Variants in NOL7 observed in about 807,000 individuals in gnomAD.
NOL7 encodes the protein nucleolar protein 7, also known as U3 small nucleolar RNA-associated protein NOL7.
Under a neutral mutation model 38.4 loss-of-function variants are expected in NOL7, and 36 were observed. The ratio of observed to expected loss-of-function variants is 0.94; its 90% CI spans 0.72 to 1.24. NOL7 has a LOEUF of 1.24. Ranked by LOEUF, NOL7 falls within the 50% of genes most tolerant of loss-of-function variation. The pLI is 0.00. For synonymous variants in NOL7, 142 were observed against 126.5 expected, an observed-to-expected ratio of 1.12 and a Z score of -0.82; for missense variants, 350 against 315.1, an observed-to-expected ratio of 1.11 and a Z score of -0.84.
intron 3 of NOL7, among the ~76,000 whole-genome samples, chr6:13,617,286 T>C (rs1336474791): frequency 6.7e-6 from 1 of 149,698 alleles, no homozygotes; most frequent in Non-Finnish European, 1.5e-5. Flanking sequence ...TGTGTGGCCT[T>C]TCTCCTGTGC....
intron 7 of NOL7, 74 bp downstream of exon 7, chr6:13,620,559 C>A: frequency 7.1e-7 from 1 of 1,410,956 alleles, no homozygotes; most frequent in South Asian, 1.2e-5. Context: ...GGAGATAGTT[C>A]ATAATTATAC....
intron 5 of NOL7, among the ~76,000 whole-genome samples, chr6:13,618,968 A>G (rs1443576158): frequency 6.6e-6 from 1 of 152,250 alleles, no homozygotes; most frequent in East Asian, 1.9e-4. Flanking sequence ...GGTTAAGTTC[A>G]AAAACTTTTT....
chr6:13,631,107 C>A (rs1443002817), intron 8 of NOL7, among the ~76,000 whole-genome samples: 1 of 152,176 alleles, frequency 6.6e-6, no homozygotes, highest in African/African-American at 2.4e-5. Flanking sequence ...CGCGCCCGGC[C>A]TGATTTGACT....
chr6:13,620,765 AAAC>A lies in NOL7; in HGVS notation c.715_717del (p.Gln239del). The A allele has an allele frequency of 6.3e-7, 1 of 1,597,056 alleles. No homozygotes were observed. Among genetic ancestry groups the A allele is most frequent in the East Asian group, 2.2e-5 (1 of 44,658 alleles). On this transcript the variant is annotated inframe_deletion, in exon 8 of 8. Coordinates refer to ENST00000451315, the MANE Select transcript of NOL7 (RefSeq NM_016167.5). ...ACTTTATATTCTAGGAATCCAAAAA[AAAC>A]AAAATGCCAAGAGGTTTAAAAGACG...
downstream of NOL7, chr6:13,622,339 G>A (rs776349413): frequency 2.0e-6 from 3 of 1,530,426 alleles, no homozygotes; most frequent in Non-Finnish European, 2.6e-6. Context: ...CACAATATAA[G>A]TGTGAGCTCT....
chr6:13,627,611 CAG>C (rs923901738), intron 8 of NOL7, among the ~76,000 whole-genome samples: 1 of 117,620 alleles, frequency 8.5e-6, no homozygotes, highest in Non-Finnish European at 1.6e-5. Context: ...GCATGGACGA[CAG>C]AGAGAGACTC....
At chr6:13,627,919 C>T (rs549103114) in intron 8 of NOL7, among the ~76,000 whole-genome samples, 5 of 152,106 alleles carry the variant, frequency 3.3e-5, no homozygotes, top group Admixed American at 2.0e-4. Context: ...CCATGGCACA[C>T]GTTTACCTAT....
Position 13,615,695 on chromosome 6 carries a change from A to G in NOL7, c.267-17A>G, listed in dbSNP as rs777687476. ...CGCTTGTCCTTCCCTTTGCTGACTTATCACCCTTCCTCCCAGGGATAAAAC... is the reference window on the plus strand; with the variant it reads ...CGCTTGTCCTTCCCTTTGCTGACTTGTCACCCTTCCTCCCAGGGATAAAAC... On this transcript the variant is annotated splice_polypyrimidine_tract_variant and intron_variant, in intron 1 of 7. Coordinates refer to ENST00000451315, the MANE Select transcript of NOL7 (RefSeq NM_016167.5). 3.0e-5 allele frequency: 48 copies of G among 1,614,186 alleles called. No homozygotes were observed. Among genetic ancestry groups the G allele is most frequent in the Non-Finnish European group, 3.8e-5 (45 of 1,180,018 alleles).
rs552391560 is a variant in NOL7, at chr6:13,627,872, CTTAAA to C, written n.574-4516_574-4512del. On this transcript the variant is annotated intron_variant and non_coding_transcript_variant, in intron 8 of 8. Coordinates refer to the NOL7 transcript ENST00000474485. ...AATGTGAAATGTCGCACTCCCAAAT[CTTAAA>C]TTAAGACTACACTGTCTAGTGCAGC... is the stretch of plus-strand genomic sequence containing the variant. Among the ~76,000 whole-genome samples, 577 of 152,168 alleles carry C rather than the reference CTTAAA, an allele frequency of 3.8e-3. 4 individuals carry two copies. Among genetic ancestry groups the C allele is most frequent in the African/African-American group, 0.013 (542 of 41,524 alleles).
chr6:13,629,921 C>CTCTCGT (rs1554221305), intron 8 of NOL7, among the ~76,000 whole-genome samples: 189 of 128,420 alleles, frequency 1.5e-3, no homozygotes, highest in African/African-American at 3.8e-3. Context: ...CTCTCTCTCT[C>CTCTCGT]GTGTGTGTGT....
chr6:13,616,477 T>A lies in NOL7; in HGVS notation c.342T>A (p.Leu114=), dbSNP rs141864975. ...LFIEQKKRKL[L]PDTILEKLTT... ...CATTCCAAAAGAAAAGAAAACTCCTTCCAGACACTATTTTGGAGAAGTTAA... is the reference window on the plus strand; with the variant it reads ...CATTCCAAAAGAAAAGAAAACTCCTACCAGACACTATTTTGGAGAAGTTAA... The change falls in exon 3 of 8, where the codon CTT becomes CTA. Residue 114 remains leucine (L), a synonymous_variant. Coordinates refer to ENST00000451315, the MANE Select transcript of NOL7 (RefSeq NM_016167.5). 875 of 1,608,512 alleles carry A rather than the reference T, an allele frequency of 5.4e-4. 5 individuals are homozygous for A. The African/African-American group carries it at 0.01, about 19-fold the overall frequency.
At chr6:13,627,611 C>CAG (rs923901738) in intron 8 of NOL7, among the ~76,000 whole-genome samples, 1 of 117,622 alleles carries the variant, frequency 8.5e-6, no homozygotes, top group Non-Finnish European at 1.6e-5. Flanking sequence ...GCATGGACGA[C>CAG]AGAGAGAGAC....
downstream of NOL7, chr6:13,625,755 T>A (rs1294248774): frequency 6.2e-7 from 1 of 1,601,020 alleles, no homozygotes; most frequent in South Asian, 1.1e-5. Context: ...GCTAGTAGAC[T>A]GAATGCATCC....
intron 5 of NOL7, among the ~76,000 whole-genome samples, chr6:13,619,534 C>T (rs1055826548): frequency 6.6e-6 from 1 of 152,220 alleles, no homozygotes. Flanking sequence ...GTATGTTGGA[C>T]TTTTCATTTG....
chr6:13,620,327 C>T lies in NOL7; in HGVS notation c.620C>T (p.Thr207Ile). ...TATGGGCCAGGAACCAACAGGACTA[C>T]TGGTAATTTTTTTATGGACTATTTT... ...SLYGPGTNRTTVNKFLSLANK... is the reference protein window; with the variant it reads ...SLYGPGTNRTIVNKFLSLANK... The change falls in exon 6 of 8, where the codon ACT (threonine) becomes ATT (isoleucine). Residue 207 changes from threonine (T) to isoleucine (I), a missense_variant and splice_region_variant. By Grantham distance (89) the Thr-to-Ile change is moderately conservative. Transcript: ENST00000451315. 1 of 1,613,940 alleles carries T rather than the reference C, an allele frequency of 6.2e-7. No homozygotes were observed. The highest frequency in any genetic ancestry group is 8.5e-7 in the Non-Finnish European group (1 of 1,179,966).
rs141779002 is a variant in NOL7 at position 13,616,679 on chromosome 6, G to A, written c.386+158G>A. Among the ~76,000 whole-genome samples the A allele has an allele frequency of 2.6e-3, 394 of 152,306 alleles. 2 individuals are homozygous for A. Among genetic ancestry groups the A allele is most frequent in the African/African-American group, 8.2e-3 (341 of 41,558 alleles). The stretch of plus-strand genomic sequence containing the variant: ...ATTTGATGGGAAAGACGGAGGTAAC[G>A]TTCTACTTCTTATTTTACCATTTAT... On this transcript the variant is annotated intron_variant, in intron 3 of 7. Coordinates refer to ENST00000451315, the MANE Select transcript of NOL7 (RefSeq NM_016167.5).
At chr6:13,622,239 A>T, downstream of NOL7, 1 of 1,029,944 alleles carries the variant, frequency 9.7e-7, no homozygotes, top group Non-Finnish European at 1.3e-6. Context: ...GAAGCAATGT[A>T]AAGCGACAAA....
downstream of NOL7, among the ~76,000 whole-genome samples, chr6:13,623,172 T>C (rs1764503101): frequency 6.6e-6 from 1 of 152,192 alleles, no homozygotes; most frequent in Non-Finnish European, 1.5e-5. Context: ...ATTAACAAAA[T>C]TTGTTCCTTG....
At position 13,615,407 on chromosome 6, in the gene NOL7, G is replaced by A. The variant is rs1474721508; in HGVS notation, c.49G>A (p.Ala17Thr). The change falls in exon 1 of 8, where the codon GCG (alanine) becomes ACG (threonine). Residue 17 changes from alanine to threonine, a missense_variant. Physicochemically the swap from Ala to Thr is moderately conservative, Grantham distance 58 (BLOSUM62 0). Transcript: ENST00000451315. ...GTCTCGCGCCCCGGCGTCGGCGGAG[G>A]CGATGGTGGACGAGGGCCAGCTGGC... The part of the protein sequence containing the change: ...RASRAPASAE[A>T]MVDEGQLASE... 13 of 1,541,720 alleles carry A rather than the reference G, an allele frequency of 8.4e-6. No homozygotes were observed. Among genetic ancestry groups the A allele is most frequent in the Non-Finnish European group, 1.1e-5 (13 of 1,144,030 alleles).
Sources: allele counts gnomAD v4.1 joint callset (sites outside exome capture counted in the v4.1 genomes callset), GRCh38; gene constraint gnomAD v4.1.1; transcripts MANE v1.5; gene names NCBI Gene and HGNC (gene_info 2026-07-23, HGNC 2026-07-21).